The following CD80 variants were observed in gnomAD, a reference collection of about 807,000 sequenced individuals.
CD80 encodes CD80 molecule.
In CD80, 13 loss-of-function variants were observed where a neutral mutation model predicts 27.1. That is an observed-to-expected ratio of 0.48 (90% CI 0.31 to 0.76). CD80 has a LOEUF of 0.76. CD80 is among the 30% of genes least tolerant of loss of function. The pLI, the probability that CD80 is intolerant of heterozygous loss-of-function variation, is 0.04. For synonymous variants in CD80, 125 were observed against 125.5 expected (o/e 1.00, Z 0.03); for missense variants, 277 against 347.9 (o/e 0.80, Z 1.62).
chr3:119,547,077 C>T (rs13069802), intron 2 of CD80, among the ~76,000 whole-genome samples: 15,069 of 152,190 alleles, frequency 0.099, 981 homozygotes, highest in Non-Finnish European at 0.14. Flanking sequence ...TACTTCCCTA[C>T]CTACCTTAAA....
intron 2 of CD80, among the ~76,000 whole-genome samples, chr3:119,555,696 C>G (rs996807656): frequency 6.6e-6 from 1 of 152,238 alleles, no homozygotes; most frequent in African/African-American, 2.4e-5. Flanking sequence ...GTTGGCCACA[C>G]TTTAACACAT....
At chr3:119,552,492 C>G (rs1329040497) in intron 2 of CD80, among the ~76,000 whole-genome samples, 1 of 119,360 alleles carries the variant, frequency 8.4e-6, no homozygotes, top group African/African-American at 3.4e-5. Context: ...CCAGCTTGGG[C>G]GACAGAGCAA....
At chr3:119,541,398 T>C (rs1454501851) in intron 3 of CD80, among the ~76,000 whole-genome samples, 1 of 152,228 alleles carries the variant, frequency 6.6e-6, no homozygotes, top group East Asian at 1.9e-4. Context: ...GATATTATAT[T>C]ACCATTTTGC....
At position 119,537,225 on chromosome 3, in the gene CD80, C is replaced by G; in HGVS notation, c.612G>C (p.Leu204=). The G allele has an allele frequency of 6.2e-7, 1 of 1,614,048 alleles. No individual in the cohort carries two copies. Among genetic ancestry groups the G allele is most frequent in the Non-Finnish European group, 8.5e-7 (1 of 1,179,974 alleles). ...TGTGGTTGGTTGTCATATTGAAATC[C>G]AGTTTGCTGCTAACAGCATAGAGCT... ...ETELYAVSSK[L]DFNMTTNHSF... is the part of the protein sequence containing the mutation. The change falls in exon 4 of 7, where the codon CTG becomes CTC. Residue 204 remains leucine (L), a synonymous_variant. Coordinates refer to ENST00000264246, the MANE Select transcript of CD80 (RefSeq NM_005191.4).
intron 3 of CD80, among the ~76,000 whole-genome samples, chr3:119,538,841 AAACCT>A (rs2082152521): frequency 6.6e-6 from 1 of 152,224 alleles, no homozygotes; most frequent in Non-Finnish European, 1.5e-5. Flanking sequence ...CCTAATTTAC[AAACCT>A]GTGACCTGCC....
Position 119,553,938 on chromosome 3 carries a change from G to A in CD80, c.100+3691C>T, listed in dbSNP as rs551268993. On this transcript the variant is annotated intron_variant, in intron 2 of 6. Transcript: ENST00000264246. ...ATGTTTGATTAGGTGAACTAGCACCGACAGGGCTGGTGTCAGCCCTGGGCT... is the reference window on the plus strand; with the variant it reads ...ATGTTTGATTAGGTGAACTAGCACCAACAGGGCTGGTGTCAGCCCTGGGCT... Among the ~76,000 whole-genome samples, 9 of 152,230 alleles carry A rather than the reference G, an allele frequency of 5.9e-5. No individual in the cohort carries two copies. In the South Asian group the frequency reaches 1.2e-3, roughly 21 times the overall value.
chr3:119,556,518 T>TAA (rs5852206), intron 2 of CD80, among the ~76,000 whole-genome samples: 12 of 151,894 alleles, frequency 7.9e-5, no homozygotes, highest in African/African-American at 1.9e-4. Flanking sequence ...GTCAAATATA[T>TAA]AAAAAACCTG....
intron 3 of CD80, among the ~76,000 whole-genome samples, chr3:119,540,476 T>C (rs1280230796): frequency 6.6e-6 from 1 of 152,128 alleles, no homozygotes; most frequent in Non-Finnish European, 1.5e-5. Context: ...ATGAACCCTG[T>C]CCCTAAATGA....
At chr3:119,537,101 G>A (rs1228965440) in intron 4 of CD80, 36 bp downstream of exon 4, 5 of 1,564,120 alleles carry the variant, frequency 3.2e-6, no homozygotes, top group South Asian at 1.1e-5. Context: ...TTTTAGATTC[G>A]ATATAGTAGA....
intron 2 of CD80, among the ~76,000 whole-genome samples, chr3:119,553,467 T>C (rs1444962109): frequency 1.3e-5 from 2 of 152,182 alleles, no homozygotes; most frequent in African/African-American, 4.8e-5. Context: ...ACGTTGAATT[T>C]TATGTCATTG....
chr3:119,548,598 AT>A (rs1293624871), intron 2 of CD80, among the ~76,000 whole-genome samples: 2 of 151,962 alleles, frequency 1.3e-5, no homozygotes, highest in African/African-American at 4.8e-5. Flanking sequence ...AGTTTTACAC[AT>A]TTTTTTCTTT....
chr3:119,528,260 G>C (rs982415011), intron 5 of CD80, among the ~76,000 whole-genome samples: 1 of 152,140 alleles, frequency 6.6e-6, no homozygotes. Context: ...TCCTACCCTT[G>C]GGATAAGTTG....
rs984295941 is a variant in CD80, at chr3:119,524,772, G to A, written c.*1016C>T. The stretch of plus-strand genomic sequence containing the variant: ...GGAGTCATGAGTAACATGAACAGCA[G>A]TTGGCTATGTCTTTCCAGTTCTCTG... On this transcript the variant is annotated 3_prime_UTR_variant, in exon 7 of 7. Transcript: ENST00000264246. 6.6e-6 allele frequency: 1 copy of A among 152,230 alleles called. No individual in the cohort carries two copies. Among genetic ancestry groups the A allele is most frequent in the Non-Finnish European group, 1.5e-5 (1 of 68,062 alleles). The allele number at this position is 152,230 out of a possible 1,614,324, so 9.4% of individuals were successfully genotyped here.
intron 2 of CD80, among the ~76,000 whole-genome samples, chr3:119,546,573 A>G (rs2082203832): frequency 6.6e-6 from 1 of 152,170 alleles, no homozygotes; most frequent in Non-Finnish European, 1.5e-5. Flanking sequence ...CTAAGAAGAA[A>G]AAAGAGGGCC....
chr3:119,548,760 G>A (rs2082214271), intron 2 of CD80, among the ~76,000 whole-genome samples: 1 of 152,112 alleles, frequency 6.6e-6, no homozygotes, highest in African/African-American at 2.4e-5. Flanking sequence ...TCCCAGGCCG[G>A]GCATCATGGC....
intron 2 of CD80, among the ~76,000 whole-genome samples, chr3:119,545,215 G>C (rs1392334583): frequency 6.6e-6 from 1 of 151,930 alleles, no homozygotes; most frequent in Non-Finnish European, 1.5e-5. Flanking sequence ...TGTGGTGGCG[G>C]GTGTAGTAAT....
intron 3 of CD80, among the ~76,000 whole-genome samples, chr3:119,538,422 A>G (rs1211275070): frequency 6.6e-6 from 1 of 152,224 alleles, no homozygotes; most frequent in African/African-American, 2.4e-5. Flanking sequence ...ACTTGAGACC[A>G]AAAACACTGA....
At chr3:119,546,334 A>G (rs1003591832) in intron 2 of CD80, among the ~76,000 whole-genome samples, 2 of 152,006 alleles carry the variant, frequency 1.3e-5, no homozygotes, top group Non-Finnish European at 2.9e-5. Context: ...TCTTCATACT[A>G]TTTCCTTTTT....
intron 3 of CD80, chr3:119,544,283 T>C (rs2107744817): frequency 2.2e-6 from 1 of 461,180 alleles, no homozygotes; most frequent in Non-Finnish European, 3.9e-6. Context: ...CCCTTGGTGA[T>C]TGAGAGGCTC....
Sources: gnomAD v4.1 joint callset for allele counts (sites outside exome capture counted in the v4.1 genomes callset) on GRCh38, gnomAD v4.1.1 for gene constraint, MANE v1.5 for transcripts, NCBI Gene and HGNC (gene_info 2026-07-23, HGNC 2026-07-21) for gene names.